Variants in SNX14 observed in about 807,000 individuals in gnomAD.
The protein encoded by SNX14 is sorting nexin-14.
SNX14 carries 93 observed loss-of-function variants against 133.8 expected under a neutral mutation model. The ratio of observed to expected loss-of-function variants is 0.70; its 90% CI spans 0.59 to 0.83. SNX14 has a LOEUF of 0.83. Ranked by LOEUF, SNX14 falls within the 40% of genes least tolerant of loss-of-function variation. The pLI is 0.00. For missense variants in SNX14, 945 were observed against 1,094.9 expected, an observed-to-expected ratio of 0.86 and a Z score of 1.93; for synonymous variants, 368 against 365.6, an observed-to-expected ratio of 1.01 and a Z score of -0.07.
chr6:85,533,854 A>T, intron 17 of SNX14, 54 bp from the exon 18 acceptor site: 1 of 1,376,368 alleles, frequency 7.3e-7, no homozygotes, highest in South Asian at 1.2e-5. Flanking sequence ...TTAGAACTAC[A>T]GCATATGAGA....
chr6:85,569,123 C>A (rs1374872899), intron 4 of SNX14, among the ~76,000 whole-genome samples: 1 of 152,136 alleles, frequency 6.6e-6, no homozygotes, highest in Non-Finnish European at 1.5e-5. Flanking sequence ...CCACCACAAC[C>A]AGCTAATTTT....
intron 20 of SNX14, among the ~76,000 whole-genome samples, chr6:85,526,848 C>A (rs1245311309): frequency 6.6e-6 from 1 of 152,094 alleles, no homozygotes; most frequent in African/African-American, 2.4e-5. Flanking sequence ...TACAGTGGAT[C>A]ACCTGAGGTC....
chr6:85,527,708 C>G (rs938546576), intron 20 of SNX14, among the ~76,000 whole-genome samples: 1 of 151,808 alleles, frequency 6.6e-6, no homozygotes, highest in African/African-American at 2.4e-5. Context: ...AAATAATACA[C>G]CCATACATTT....
chr6:85,590,067 T>G (rs1802326456), intron 1 of SNX14, among the ~76,000 whole-genome samples: 1 of 152,192 alleles, frequency 6.6e-6, no homozygotes, highest in Non-Finnish European at 1.5e-5. Flanking sequence ...TCAAAAGAAT[T>G]TTTAAAGGCA....
At chr6:85,530,918 T>A (rs954354298) in intron 18 of SNX14, among the ~76,000 whole-genome samples, 1 of 152,172 alleles carries the variant, frequency 6.6e-6, no homozygotes, top group East Asian at 1.9e-4. Context: ...AAGTTTTTTT[T>A]ATTGATTTGG....
chr6:85,569,037 C>T lies in SNX14; in HGVS notation c.418-1460G>A, dbSNP rs60965098. ...CTGGAGTGCAATAGCGCAATCTTGG[C>T]TCACCTCAACCTCCACCTCCAGGGT... On this transcript the variant is annotated intron_variant, in intron 4 of 28. Coordinates refer to ENST00000314673, the MANE Select transcript of SNX14 (RefSeq NM_153816.6). 2.6e-5 allele frequency among the ~76,000 whole-genome samples: 4 copies of T among 151,820 alleles called. No individual in the cohort carries two copies. The East Asian group carries it at 5.8e-4, about 22-fold the overall frequency.
intron 6 of SNX14, among the ~76,000 whole-genome samples, chr6:85,562,582 C>CTTTTTTT (rs201175458): frequency 2.6e-4 from 25 of 94,846 alleles, no homozygotes; most frequent in African/African-American, 4.6e-4. Flanking sequence ...ACTTTTTGGG[C>CTTTTTTT]TTTTTTTTTT....
intron 17 of SNX14, 80 bp downstream of exon 17, chr6:85,536,712 G>A: frequency 2.2e-6 from 3 of 1,394,616 alleles, no homozygotes; most frequent in Non-Finnish European, 2.9e-6. Flanking sequence ...CCAAAAAAAG[G>A]AAAATAATGA....
chr6:85,530,357 AAAGCTGGCTAGACACGGTGGCTCAC>A, intron 18 of SNX14, 82 bp from the exon 19 acceptor site: 3 of 941,194 alleles, frequency 3.2e-6, no homozygotes, highest in Non-Finnish European at 4.7e-6. Flanking sequence ...TTAAGAATAC[AAAGCTGGCTAGACACGGTGGCTCAC>A]GCCTATAATC....
intron 7 of SNX14, among the ~76,000 whole-genome samples, chr6:85,555,054 T>C (rs1158462630): frequency 6.6e-6 from 1 of 152,122 alleles, no homozygotes; most frequent in African/African-American, 2.4e-5. Flanking sequence ...ACTCCTAGGC[T>C]CAAGTGATCC....
chr6:85,563,348 G>C (rs1218983475), intron 6 of SNX14, among the ~76,000 whole-genome samples: 3 of 152,102 alleles, frequency 2.0e-5, no homozygotes, highest in Non-Finnish European at 4.4e-5. Flanking sequence ...AATATATATA[G>C]GCAATGATAC....
At chr6:85,582,526 A>C (rs1414666036) in intron 1 of SNX14, among the ~76,000 whole-genome samples, 1 of 152,050 alleles carries the variant, frequency 6.6e-6, no homozygotes, top group Non-Finnish European at 1.5e-5. Flanking sequence ...AGCAAAATAG[A>C]CCACTAGCCA....
intron 7 of SNX14, among the ~76,000 whole-genome samples, chr6:85,555,657 A>G (rs192532342): frequency 6.6e-6 from 1 of 152,330 alleles, no homozygotes; most frequent in Non-Finnish European, 1.5e-5. Context: ...ACATGATTAT[A>G]CATTTGTCAA....
intron 24 of SNX14, 121 bp from the exon 25 acceptor site, chr6:85,514,355 T>C (rs1774038432): frequency 9.0e-6 from 13 of 1,447,036 alleles, no homozygotes; most frequent in Non-Finnish European, 1.2e-5. Context: ...CTAGCAACTT[T>C]AATATGATCA....
chr6:85,514,067 A>C lies in SNX14; in HGVS notation c.2557+3T>G, dbSNP rs1284620438. On this transcript the variant is annotated splice_donor_region_variant and intron_variant, in intron 25 of 28. Coordinates refer to ENST00000314673, the MANE Select transcript of SNX14 (RefSeq NM_153816.6). Reference sequence around the variant, plus strand: ...TGAAACAAACACATTAGAAAATACAAACCTCTGAGAAGTGTTATGAGTGAG... The same window carrying C: ...TGAAACAAACACATTAGAAAATACACACCTCTGAGAAGTGTTATGAGTGAG... 1 of 1,599,600 alleles carries C rather than the reference A, an allele frequency of 6.3e-7. No individual in the cohort carries two copies. The highest frequency in any genetic ancestry group is 1.4e-5 in the African/African-American group (1 of 74,054).
At chr6:85,517,627 T>A in intron 23 of SNX14, 129 bp downstream of exon 23, 1 of 1,121,814 alleles carries the variant, frequency 8.9e-7, no homozygotes, top group Non-Finnish European at 1.2e-6. Context: ...GTTCAACTGA[T>A]TTCCACATAA....
chr6:85,519,885 A>C lies in SNX14; in HGVS notation c.2108-1837T>G, dbSNP rs555401795. Among the ~76,000 whole-genome samples the C allele has an allele frequency of 1.6e-4, 25 of 151,820 alleles. 1 individual carries two copies. The highest frequency in any genetic ancestry group is 6.8e-3 in the Middle Eastern group (2 of 294). On this transcript the variant is annotated intron_variant, in intron 21 of 28. Transcript: ENST00000314673. ...TCCGTCTCAAAAAACAAAACAAAAC[A>C]AAACAAAAAAAAACTATGATTGTGC...
chr6:85,540,707 G>A lies in SNX14; in HGVS notation c.1448+1278C>T, dbSNP rs115511283. Among the ~76,000 whole-genome samples the A allele has an allele frequency of 4.0e-3, 605 of 152,192 alleles. 5 individuals are homozygous for A. The highest frequency in any genetic ancestry group is 0.014 in the African/African-American group (571 of 41,510). On this transcript the variant is annotated intron_variant, in intron 15 of 28. Transcript: ENST00000314673. ...AAAACATCTATTCCCATAACACTTG[G>A]TTACGTCAAGAAATACAATATATTC...
At chr6:85,521,963 T>C (rs1243513345) in intron 21 of SNX14, among the ~76,000 whole-genome samples, 1 of 152,244 alleles carries the variant, frequency 6.6e-6, no homozygotes, top group Non-Finnish European at 1.5e-5. Flanking sequence ...TGCATATGGA[T>C]ATCCAGTTTT....
Sources: allele counts gnomAD v4.1 joint callset (sites outside exome capture counted in the v4.1 genomes callset), GRCh38; gene constraint gnomAD v4.1.1; transcripts MANE v1.5; gene names NCBI Gene and HGNC (gene_info 2026-07-23, HGNC 2026-07-21).